SLC16A1: variants seen among roughly 807,000 people sequenced by gnomAD.
SLC16A1 encodes monocarboxylate transporter 1.
Under a neutral mutation model 32.2 loss-of-function variants are expected in SLC16A1, and 11 were observed. The observed-to-expected ratio is 0.34, with a 90% CI of 0.21 to 0.56. The LOEUF (loss-of-function observed/expected upper bound fraction) is 0.56. Ranked by LOEUF, SLC16A1 falls within the 20% of genes least tolerant of loss-of-function variation. SLC16A1 has a pLI of 0.87. For synonymous variants in SLC16A1, 231 were observed against 226.8 expected (o/e 1.02, Z -0.17); for missense variants, 435 against 615.0 (o/e 0.71, Z 3.10).
intron 1 of SLC16A1, among the ~76,000 whole-genome samples, chr1:112,942,030 GGT>G (rs1649530136): frequency 6.6e-6 from 1 of 151,994 alleles, no homozygotes; most frequent in Non-Finnish European, 1.5e-5. Context: ...AGAGTACAAT[GGT>G]GCGATCTTGG....
At position 112,917,162 on chromosome 1, in the gene SLC16A1, G is replaced by A. The variant is rs199927572; in HGVS notation, c.1228+16C>T. The stretch of plus-strand genomic sequence containing the variant: ...GTTTTGTAATAGACCCACATTAGTA[G>A]GGAGATATACTATACCTAAAAGTGG... On this transcript the variant is annotated intron_variant, in intron 4 of 4. Coordinates refer to ENST00000369626, the MANE Select transcript of SLC16A1 (RefSeq NM_003051.4). The surrounding 1 kb of genome is among the most constrained non-coding windows in gnomAD (Gnocchi z 4.1). The A allele has an allele frequency of 1.7e-4, 275 of 1,614,030 alleles. No individual in the cohort carries two copies. Among genetic ancestry groups the A allele is most frequent in the Non-Finnish European group, 2.2e-4 (257 of 1,179,978 alleles).
At chr1:112,945,255 A>C (rs1011812422) in intron 1 of SLC16A1, among the ~76,000 whole-genome samples, 1 of 152,014 alleles carries the variant, frequency 6.6e-6, no homozygotes, top group Non-Finnish European at 1.5e-5. Flanking sequence ...TCAGCATCAC[A>C]AAGTGCTGGG....
chr1:112,940,708 T>C (rs1649477549), intron 1 of SLC16A1, among the ~76,000 whole-genome samples: 1 of 152,186 alleles, frequency 6.6e-6, no homozygotes, highest in Non-Finnish European at 1.5e-5. Context: ...TTAGGCTCTA[T>C]TTAAATAATA....
rs182785871 is a variant in SLC16A1, at chr1:112,923,137, T to C, written c.218-1004A>G. 4.0e-3 allele frequency among the ~76,000 whole-genome samples: 607 copies of C among 151,792 alleles called. 2 individuals carry two copies. The highest frequency in any genetic ancestry group is 5.9e-3 in the Non-Finnish European group (399 of 67,896). On this transcript the variant is annotated intron_variant, in intron 2 of 4. Transcript: ENST00000369626. The stretch of plus-strand genomic sequence containing the variant: ...GAGTTCAAGACCAGCCTGACCGACA[T>C]GGAGAAACCTCATCACTACTAAAAA...
At chr1:112,941,505 A>AC (rs1215501217) in intron 1 of SLC16A1, among the ~76,000 whole-genome samples, 1 of 151,312 alleles carries the variant, frequency 6.6e-6, no homozygotes, top group Non-Finnish European at 1.5e-5. Context: ...CTGGTCTCAA[A>AC]CCCCCGACCT....
Position 112,941,178 on chromosome 1 carries a change from G to A in SLC16A1, c.-44-11826C>T, listed in dbSNP as rs953336246. On this transcript the variant is annotated intron_variant, in intron 1 of 4. Coordinates refer to ENST00000369626, the MANE Select transcript of SLC16A1 (RefSeq NM_003051.4). ...GTAAAAAACCTGCACATGTACCCCAGAATCTAAAATAAAAGTTGAATAAAT... is the reference window on the plus strand; with the variant it reads ...GTAAAAAACCTGCACATGTACCCCAAAATCTAAAATAAAAGTTGAATAAAT... Among the ~76,000 whole-genome samples the A allele has an allele frequency of 2.0e-5, 3 of 150,928 alleles. No individual in the cohort carries two copies. The East Asian group carries it at 5.8e-4, about 29-fold the overall frequency.
chr1:112,950,729 G>T (rs757698872), intron 1 of SLC16A1, among the ~76,000 whole-genome samples: 1 of 152,228 alleles, frequency 6.6e-6, no homozygotes, highest in African/African-American at 2.4e-5. Context: ...AGGTGAGGTA[G>T]CTCACACCTG....
intron 1 of SLC16A1, among the ~76,000 whole-genome samples, chr1:112,930,122 T>TAGTG (rs1222572981): frequency 6.6e-6 from 1 of 151,974 alleles, no homozygotes; most frequent in Non-Finnish European, 1.5e-5. Context: ...AGGAGAGGGG[T>TAGTG]AGTGGTAACC....
chr1:112,949,730 G>A (rs534337754), intron 1 of SLC16A1, among the ~76,000 whole-genome samples: 1 of 151,828 alleles, frequency 6.6e-6, no homozygotes, highest in East Asian at 1.9e-4. Flanking sequence ...AATAGAGACA[G>A]GGTTTCGCCA....
rs775431954 is a variant in SLC16A1, at chr1:112,913,852, G to C, written c.*39C>G. 21 of 1,612,008 alleles carry C rather than the reference G, an allele frequency of 1.3e-5. No homozygotes were observed. Among genetic ancestry groups the C allele is most frequent in the Non-Finnish European group, 1.8e-5 (21 of 1,178,302 alleles). On this transcript the variant is annotated 3_prime_UTR_variant, in exon 5 of 5. Transcript: ENST00000369626. ...CAGTAGAATATTTTCAGATATCCTG[G>C]GTCATGAACTGCTCAATTTACCCTT...
At chr1:112,940,401 GAGGTCCTTGAAGGATCCAA>G (rs2101644422) in intron 1 of SLC16A1, among the ~76,000 whole-genome samples, 1 of 152,218 alleles carries the variant, frequency 6.6e-6, no homozygotes, top group Non-Finnish European at 1.5e-5. Context: ...AGAGAGTCTT[GAGGTCCTTGAAGGATCCAA>G]AAAAACCACA....
At chr1:112,952,694 C>T (rs1197736689) in intron 1 of SLC16A1, among the ~76,000 whole-genome samples, 1 of 151,970 alleles carries the variant, frequency 6.6e-6, no homozygotes, top group Non-Finnish European at 1.5e-5. Context: ...TCGTGTCGCT[C>T]AACTCTTTGT....
intron 1 of SLC16A1, among the ~76,000 whole-genome samples, chr1:112,953,879 A>G (rs1322694696): frequency 1.3e-5 from 2 of 152,202 alleles, no homozygotes; most frequent in African/African-American, 4.8e-5. Context: ...ACAATACAGT[A>G]TTTGTTCCTA....
At chr1:112,929,777 G>GT (rs1347016736) in intron 1 of SLC16A1, among the ~76,000 whole-genome samples, 4 of 152,184 alleles carry the variant, frequency 2.6e-5, no homozygotes, top group Non-Finnish European at 5.9e-5. Context: ...AACCTGGGAG[G>GT]TAGTGGCTGC....
In SLC16A1 at chr1:112,913,465, A is replaced by G. The variant is rs938309713; in HGVS notation, c.*426T>C. On this transcript the variant is annotated 3_prime_UTR_variant, in exon 5 of 5. Transcript: ENST00000369626. The stretch of plus-strand genomic sequence containing the variant: ...TGAAATATATTACATGTAACAATGA[A>G]GCAAGATTAATTTTAAATTTTAGAT... 1.2e-5 allele frequency: 2 copies of G among 172,292 alleles called. No individual in the cohort carries two copies. Among genetic ancestry groups the G allele is most frequent in the African/African-American group, 4.8e-5 (2 of 41,732 alleles). The allele number at this position is 172,292 out of a possible 1,614,324, so 10.7% of individuals were successfully genotyped here. A position where few individuals can be genotyped will look rare whatever the true frequency, so the allele number is the denominator to read the frequency against.
intron 1 of SLC16A1, among the ~76,000 whole-genome samples, chr1:112,942,511 G>C (rs17030801): frequency 0.052 from 7,941 of 152,180 alleles, 675 homozygotes; most frequent in African/African-American, 0.18. Context: ...TAGGTGAAAT[G>C]GGTTTAAGTT....
chr1:112,922,245 A>C, intron 2 of SLC16A1, 112 bp from the exon 3 acceptor site: 2 of 1,010,026 alleles, frequency 2.0e-6, no homozygotes, highest in Non-Finnish European at 3.0e-6. Context: ...CAGCAATGAT[A>C]AGAATATTGT....
chr1:112,912,401 G>A lies in SLC16A1; in HGVS notation c.*1490C>T, dbSNP rs1228875486. 1 of 152,022 alleles carries A rather than the reference G, an allele frequency of 6.6e-6. No individual in the cohort carries two copies. Among genetic ancestry groups the A allele is most frequent in the African/African-American group, 2.4e-5 (1 of 41,388 alleles). The allele number at this position is 152,022 out of a possible 1,614,324, so 9.4% of individuals were successfully genotyped here. ...TTGGAAAAGTCAGCCTCTTACACAA[G>A]GTTTTGTATCTATACTTTTACTCTG... On this transcript the variant is annotated 3_prime_UTR_variant, in exon 5 of 5. Transcript: ENST00000369626.
At chr1:112,940,634 A>G (rs1453686157) in intron 1 of SLC16A1, among the ~76,000 whole-genome samples, 1 of 152,168 alleles carries the variant, frequency 6.6e-6, no homozygotes, top group Non-Finnish European at 1.5e-5. Context: ...AAGCTGATAT[A>G]TATGTATACT....
Sources: allele counts gnomAD v4.1 joint callset (sites outside exome capture counted in the v4.1 genomes callset), GRCh38; gene constraint gnomAD v4.1.1; non-coding constraint Gnocchi (gnomAD v3.1); transcripts MANE v1.5; gene names NCBI Gene and HGNC (gene_info 2026-07-23, HGNC 2026-07-21).